KAT6B: variants seen among roughly 807,000 people sequenced by gnomAD.
KAT6B encodes lysine acetyltransferase 6B.
Under a neutral mutation model 187.5 loss-of-function variants are expected in KAT6B, and 10 were observed. That is an observed-to-expected ratio of 0.05 (90% CI 0.03 to 0.09). The LOEUF is 0.09. Among genes scored for constraint, KAT6B ranks in the 10% least tolerant of loss-of-function variants. The pLI is 1.00. For synonymous variants in KAT6B, 861 were observed against 926.8 expected (o/e 0.93, Z 1.29); for missense variants, 1,952 against 2,558.9 (o/e 0.76, Z 5.12).
intron 4 of KAT6B, 115 bp from the exon 5 acceptor site, chr10:74,969,545 G>A: frequency 1.4e-6 from 1 of 710,892 alleles, no homozygotes; most frequent in African/African-American, 1.8e-5. Context: ...GCATTTTCAA[G>A]TTCCTAAGGT....
chr10:74,989,381 C>T (rs563255024), intron 13 of KAT6B, among the ~76,000 whole-genome samples: 4 of 152,316 alleles, frequency 2.6e-5, no homozygotes, highest in Admixed American at 2.6e-4. Context: ...GACAGAATTA[C>T]ATTCCATTTT....
intron 3 of KAT6B, among the ~76,000 whole-genome samples, chr10:74,908,568 G>C (rs1282716344): frequency 2.2e-5 from 3 of 134,318 alleles, no homozygotes; most frequent in African/African-American, 8.4e-5. Flanking sequence ...AAAAAAAAAA[G>C]AAAGAGAAAT....
rs1848297451 is a variant in KAT6B, at chr10:74,923,670, T to C, written c.622-36300T>C. On this transcript the variant is annotated intron_variant, in intron 3 of 17. Transcript: ENST00000287239. The stretch of plus-strand genomic sequence containing the variant: ...GCCCTTGACATGTCTGAGAAACAGA[T>C]AAGAGGCCAGTGTGGCTGGCGTGGA... Among the ~76,000 whole-genome samples the C allele has an allele frequency of 2.0e-5, 3 of 151,930 alleles. No homozygotes were observed. In the South Asian group the frequency reaches 6.2e-4, roughly 32 times the overall value.
intron 3 of KAT6B, among the ~76,000 whole-genome samples, chr10:74,872,203 G>T (rs1844044442): frequency 6.6e-6 from 1 of 152,156 alleles, no homozygotes; most frequent in African/African-American, 2.4e-5. Context: ...CTCAAAATAT[G>T]CAAGTATTAC....
At chr10:74,959,872 A>C in intron 3 of KAT6B, 98 bp from the exon 4 acceptor site, 1 of 807,722 alleles carries the variant, frequency 1.2e-6, no homozygotes, top group East Asian at 2.5e-5. Context: ...TAAAGAAAGA[A>C]GAAGCTTTAA....
intron 3 of KAT6B, among the ~76,000 whole-genome samples, chr10:74,866,441 A>G (rs555079534): frequency 6.6e-6 from 1 of 152,268 alleles, no homozygotes; most frequent in South Asian, 2.1e-4. Context: ...TGTTGAATCT[A>G]GGTGAAGGGC....
At chr10:74,912,091 T>TTCTTC (rs1847246398) in intron 3 of KAT6B, among the ~76,000 whole-genome samples, 1 of 152,156 alleles carries the variant, frequency 6.6e-6, no homozygotes, top group African/African-American at 2.4e-5. Flanking sequence ...TAGGTGTGAG[T>TTCTTC]TATCACAGCC....
intron 3 of KAT6B, among the ~76,000 whole-genome samples, chr10:74,912,392 G>GATAGATAGATAGATAA (rs1564559213): frequency 1.3e-5 from 2 of 151,900 alleles, no homozygotes; most frequent in Non-Finnish European, 2.9e-5. Flanking sequence ...TAGATAGATA[G>GATAGATAGATAGATAA]ATAGATAGAT....
intron 3 of KAT6B, among the ~76,000 whole-genome samples, chr10:74,919,336 G>C (rs1847943501): frequency 6.6e-6 from 1 of 152,026 alleles, no homozygotes; most frequent in East Asian, 1.9e-4. Flanking sequence ...CTGAGGATTG[G>C]TATTTTAGTT....
intron 3 of KAT6B, among the ~76,000 whole-genome samples, chr10:74,885,734 CTTT>C (rs149580820): frequency 4.4e-5 from 6 of 135,518 alleles, no homozygotes; most frequent in Admixed American, 1.5e-4. Flanking sequence ...AGGAGAAGTT[CTTT>C]TTTTTTTTTT....
intron 3 of KAT6B, among the ~76,000 whole-genome samples, chr10:74,884,463 G>C (rs1038575498): frequency 6.6e-6 from 1 of 152,184 alleles, no homozygotes; most frequent in Non-Finnish European, 1.5e-5. Context: ...TTATCAGTGA[G>C]AGTGTTTCCT....
At chr10:74,963,797 C>G (rs1200133497) in intron 4 of KAT6B, among the ~76,000 whole-genome samples, 5 of 152,100 alleles carry the variant, frequency 3.3e-5, no homozygotes, top group Non-Finnish European at 5.9e-5. Context: ...AAAGAAGACT[C>G]TTGACTAGAA....
chr10:74,968,157 A>G (rs1159443694), intron 4 of KAT6B, among the ~76,000 whole-genome samples: 1 of 152,144 alleles, frequency 6.6e-6, no homozygotes, highest in Non-Finnish European at 1.5e-5. Context: ...TGCTTCTTAG[A>G]AGTCGACAAG....
intron 4 of KAT6B, among the ~76,000 whole-genome samples, chr10:74,964,795 C>T (rs181854488): frequency 3.0e-3 from 453 of 152,334 alleles, no homozygotes; most frequent in African/African-American, 0.01. Context: ...TCGCTACTCA[C>T]TCAGTTACAC....
chr10:74,934,205 A>AAAAT, intron 3 of KAT6B, among the ~76,000 whole-genome samples: 1 of 150,788 alleles, frequency 6.6e-6, no homozygotes, highest in East Asian at 1.9e-4. Flanking sequence ...AAAAAAAAAA[A>AAAAT]GCCTACAATC....
intron 3 of KAT6B, among the ~76,000 whole-genome samples, chr10:74,869,697 T>C (rs780508466): frequency 6.6e-6 from 1 of 152,254 alleles, no homozygotes; most frequent in Non-Finnish European, 1.5e-5. Flanking sequence ...TATTAGCCTT[T>C]ATTATAGTCT....
At chr10:74,978,287 T>A (rs1428592809) in intron 9 of KAT6B, among the ~76,000 whole-genome samples, 1 of 152,206 alleles carries the variant, frequency 6.6e-6, no homozygotes, top group Non-Finnish European at 1.5e-5. Flanking sequence ...TTGGCTAAGA[T>A]AAATGTCAGA....
At chr10:74,866,102 A>C (rs1024514888) in intron 3 of KAT6B, among the ~76,000 whole-genome samples, 2 of 152,066 alleles carry the variant, frequency 1.3e-5, no homozygotes, top group African/African-American at 4.8e-5. Flanking sequence ...CTTGGAACTG[A>C]TCCCTCATGT....
intron 3 of KAT6B, among the ~76,000 whole-genome samples, chr10:74,887,669 A>G (rs775848311): frequency 9.2e-5 from 14 of 152,012 alleles, no homozygotes; most frequent in Non-Finnish European, 1.6e-4. Flanking sequence ...CCAGGCTGGC[A>G]CATTTAGCCT....
Sources: allele counts gnomAD v4.1 joint callset (sites outside exome capture counted in the v4.1 genomes callset), GRCh38; gene constraint gnomAD v4.1.1; transcripts MANE v1.5; gene names NCBI Gene and HGNC (gene_info 2026-07-23, HGNC 2026-07-21).